Variants in SLC9A3 observed in about 807,000 individuals in gnomAD.
SLC9A3 encodes solute carrier family 9 member A3.
In SLC9A3, 37 loss-of-function variants were observed where a neutral mutation model predicts 86.8. The ratio of observed to expected loss-of-function variants is 0.43; its 90% CI spans 0.33 to 0.56. The LOEUF is 0.56. Among genes scored for constraint, SLC9A3 ranks in the 20% least tolerant of loss-of-function variants. SLC9A3 has a pLI of 0.06. For synonymous variants in SLC9A3, 581 were observed against 528.3 expected (o/e 1.10, Z -1.37); for missense variants, 1,011 against 1,171.9 (o/e 0.86, Z 2.00).
intron 1 of SLC9A3, among the ~76,000 whole-genome samples, chr5:492,864 C>T (rs1739850699): frequency 1.3e-5 from 2 of 152,160 alleles, no homozygotes; most frequent in South Asian, 2.1e-4. Flanking sequence ...GCCCCCTCTC[C>T]TCGTGCCCCT....
Position 475,125 on chromosome 5 carries a change from G to C in SLC9A3, c.2259C>G (p.Asp753Glu). The C allele has an allele frequency of 6.3e-7, 1 of 1,593,044 alleles. No homozygotes were observed. Among genetic ancestry groups the C allele is most frequent in the Non-Finnish European group, 8.6e-7 (1 of 1,168,626 alleles). Residue 753 changes from aspartate to glutamate, a missense_variant, in exon 16 of 17, where the codon GAC becomes GAG. Physicochemically the swap from Asp to Glu is conservative, Grantham distance 45 (BLOSUM62 2). Coordinates refer to ENST00000264938, the MANE Select transcript of SLC9A3 (RefSeq NM_004174.4). ...DTASDSPAGIDNPVFSPDEAL... is the reference protein window; with the variant it reads ...DTASDSPAGIENPVFSPDEAL... ...CCTCGTCCGGAGAAAACACAGGGTT[G>C]TCAATTCCTAGGAGAGAGGGCAGCG... is the stretch of plus-strand genomic sequence containing the variant.
chr5:504,041 T>C (rs1740428695), intron 1 of SLC9A3, among the ~76,000 whole-genome samples: 1 of 151,314 alleles, frequency 6.6e-6, no homozygotes, highest in South Asian at 2.1e-4. Context: ...CACTTCAAAG[T>C]AGAAATTATG....
At chr5:483,934 C>T (rs1035801880) in intron 5 of SLC9A3, among the ~76,000 whole-genome samples, 3 of 152,276 alleles carry the variant, frequency 2.0e-5, no homozygotes, top group Admixed American at 2.0e-4. Flanking sequence ...CGCGCTAGGA[C>T]AGAGGGCAGG....
chr5:475,718 T>TGAGGACAGCCCC, intron 14 of SLC9A3, 47 bp from the exon 15 acceptor site: 1 of 1,057,110 alleles, frequency 9.5e-7, no homozygotes, highest in Non-Finnish European at 1.4e-6. Context: ...TGGGGGGCTG[T>TGAGGACAGCCCC]CCTCACAGCC....
chr5:489,328 G>A (rs1158898636), intron 2 of SLC9A3, among the ~76,000 whole-genome samples: 1 of 152,202 alleles, frequency 6.6e-6, no homozygotes, highest in East Asian at 1.9e-4. Flanking sequence ...CCCAGGGAGG[G>A]GGAGGCCCCC....
intron 1 of SLC9A3, among the ~76,000 whole-genome samples, chr5:523,557 A>T (rs993267566): frequency 1.3e-5 from 2 of 149,568 alleles, no homozygotes; most frequent in Non-Finnish European, 3.0e-5. Flanking sequence ...TTACTGGTTC[A>T]TTGGCGCCGG....
In SLC9A3 at chr5:479,963, C is replaced by T. The variant is rs752924063; in HGVS notation, c.1520G>A (p.Trp507Ter). 6.2e-7 allele frequency: 1 copy of T among 1,613,516 alleles called. No homozygotes were observed. Among genetic ancestry groups the T allele is most frequent in the Non-Finnish European group, 8.5e-7 (1 of 1,179,846 alleles). ...QIGHNYLRDK[W>*]SHFDRKFLSR... is the part of the protein sequence containing the mutation. Reference sequence around the variant, plus strand: ...GAGGAACTTCCTGTCGAAGTGGGACCACCTGTAGGGACAGACCTTGGGTGT... The same window carrying T: ...GAGGAACTTCCTGTCGAAGTGGGACTACCTGTAGGGACAGACCTTGGGTGT... Residue 507 changes from tryptophan (W) to a stop codon, truncating the protein, a stop_gained and splice_region_variant, in exon 10 of 17, where the codon TGG becomes TAG. Coordinates refer to ENST00000264938, the MANE Select transcript of SLC9A3 (RefSeq NM_004174.4). LOFTEE classifies it high-confidence loss of function.
intron 8 of SLC9A3, 98 bp from the exon 9 acceptor site, chr5:481,733 C>G (rs541635148): frequency 9.7e-7 from 1 of 1,031,780 alleles, no homozygotes; most frequent in East Asian, 2.4e-5. Flanking sequence ...ACCCACCAGC[C>G]CCCCTCACCA....
intron 1 of SLC9A3, among the ~76,000 whole-genome samples, chr5:515,742 C>A (rs1733709940): frequency 6.7e-6 from 1 of 149,256 alleles, no homozygotes; most frequent in South Asian, 2.1e-4. Flanking sequence ...CACCCACACA[C>A]TCCCCCTGCC....
At chr5:506,459 G>A (rs1003164561) in intron 1 of SLC9A3, among the ~76,000 whole-genome samples, 16 of 152,276 alleles carry the variant, frequency 1.1e-4, no homozygotes, top group Admixed American at 3.9e-4. Flanking sequence ...GGGTCCTCCC[G>A]AGGGGCCCCA....
chr5:517,812 A>ACCATCCAT (rs72445363), intron 1 of SLC9A3, among the ~76,000 whole-genome samples: 16 of 144,886 alleles, frequency 1.1e-4, no homozygotes, highest in Middle Eastern at 3.6e-3. Flanking sequence ...ATCCATCCAA[A>ACCATCCAT]CCATCCATCC....
chr5:488,173 A>T, intron 3 of SLC9A3, 143 bp downstream of exon 3: 1 of 818,124 alleles, frequency 1.2e-6, no homozygotes, highest in Non-Finnish European at 2.0e-6. Context: ...GGGAGGAAGG[A>T]GGTGGAGGGA....
chr5:521,514 C>A (rs1342568202), intron 1 of SLC9A3, among the ~76,000 whole-genome samples: 1 of 152,202 alleles, frequency 6.6e-6, no homozygotes, highest in Non-Finnish European at 1.5e-5. Context: ...AGAAATTCAA[C>A]AAATGTTTGG....
At chr5:499,722 T>C (rs1207467503) in intron 1 of SLC9A3, among the ~76,000 whole-genome samples, 1 of 152,106 alleles carries the variant, frequency 6.6e-6, no homozygotes, top group Non-Finnish European at 1.5e-5. Context: ...CCCTCGAGGC[T>C]CTAGAACGGG....
chr5:475,634 A>G lies in SLC9A3; in HGVS notation c.2178T>C (p.Tyr726=). 2 of 1,551,962 alleles carry G rather than the reference A, an allele frequency of 1.3e-6. No individual in the cohort carries two copies. The highest frequency in any genetic ancestry group is 1.7e-6 in the Non-Finnish European group (2 of 1,146,950). Residue 726 remains tyrosine (Y), a synonymous_variant, in exon 15 of 17, where the codon TAT becomes TAC. Coordinates refer to ENST00000264938, the MANE Select transcript of SLC9A3 (RefSeq NM_004174.4). ...ELSDTEEPPN[Y]DEEMSGGIEF... is the part of the protein sequence containing the mutation. ...CGATCCCCCCACTCATCTCCTCATC[A>G]TAGTTGGGGGGCTCCTCGGTGTCTG... is the stretch of plus-strand genomic sequence containing the variant.
At chr5:494,753 G>A (rs1023232455) in intron 1 of SLC9A3, among the ~76,000 whole-genome samples, 1 of 152,148 alleles carries the variant, frequency 6.6e-6, no homozygotes, top group Non-Finnish European at 1.5e-5. Context: ...TGGCGACGTC[G>A]TCACCTCTGC....
chr5:491,659 T>TA lies in SLC9A3; in HGVS notation c.514+109dup, dbSNP rs1283253950. On this transcript the variant is annotated intron_variant, in intron 2 of 16. Coordinates refer to ENST00000264938, the MANE Select transcript of SLC9A3 (RefSeq NM_004174.4). The surrounding 1 kb of genome is among the most constrained non-coding windows in gnomAD (Gnocchi z 9.2). ...CCAGCCACGTTTCTCACCTGACACTTACCGCCTGGAGGCCAGGGTGCGGCA... is the reference window on the plus strand; with the variant it reads ...CCAGCCACGTTTCTCACCTGACACTTAACCGCCTGGAGGCCAGGGTGCGGCA... The TA allele has an allele frequency of 9.7e-7, 1 of 1,025,750 alleles. No individual in the cohort carries two copies. The highest frequency in any genetic ancestry group is 1.6e-5 in the African/African-American group (1 of 61,590). 63.5% of individuals were successfully genotyped at this position (1,025,750 alleles called of 1,614,324 possible).
At chr5:516,543 C>T (rs745818971) in intron 1 of SLC9A3, among the ~76,000 whole-genome samples, 17 of 152,200 alleles carry the variant, frequency 1.1e-4, no homozygotes, top group African/African-American at 3.1e-4. Context: ...CTGCATCTTC[C>T]GAGGTCTGGC....
intron 3 of SLC9A3, among the ~76,000 whole-genome samples, chr5:487,575 C>T (rs1169228833): frequency 3.3e-5 from 5 of 151,518 alleles, no homozygotes; most frequent in African/African-American, 1.2e-4. Context: ...CACACTGACA[C>T]CCACCGTCGT....
Sources: gnomAD v4.1 joint callset for allele counts (sites outside exome capture counted in the v4.1 genomes callset) on GRCh38, gnomAD v4.1.1 for gene constraint, Gnocchi (gnomAD v3.1) non-coding constraint, MANE v1.5 for transcripts, NCBI Gene and HGNC (gene_info 2026-07-23, HGNC 2026-07-21) for gene names.